LAMC2: variants seen among roughly 807,000 people sequenced by gnomAD.
LAMC2 encodes the protein laminin subunit gamma 2, also known as laminin subunit gamma-2.
Under a neutral mutation model 140.2 loss-of-function variants are expected in LAMC2, and 97 were observed. That is an observed-to-expected ratio of 0.69 (90% confidence interval 0.59 to 0.82). LAMC2 has a LOEUF of 0.82. LAMC2 is among the 40% of genes least tolerant of loss of function. The pLI is 0.00. For missense variants in LAMC2, 1,402 were observed against 1,476.1 expected, an observed-to-expected ratio of 0.95 and a Z score of 0.82; for synonymous variants, 513 against 540.2, an observed-to-expected ratio of 0.95 and a Z score of 0.70.
Position 183,238,336 on chromosome 1 carries a change from T to G in LAMC2, c.2784T>G (p.Asn928Lys). Residue 928 changes from asparagine to lysine, a missense_variant, in exon 19 of 23, where the codon AAT (asparagine) becomes AAG (lysine). Physicochemically the swap from Asn to Lys is moderately conservative, Grantham distance 94 (BLOSUM62 0). Coordinates refer to ENST00000264144, the MANE Select transcript of LAMC2 (RefSeq NM_005562.3). ...EKSDQLLSRA[N>K]LAKSRAQEAL... ...CAGATCAGCTGCTTTCCCGTGCCAA[T>G]CTTGCTAAAAGCAGAGCACAAGAAG... The G allele has an allele frequency of 6.2e-7, 1 of 1,614,090 alleles. No homozygotes were observed. The highest frequency in any genetic ancestry group is 8.5e-7 in the Non-Finnish European group (1 of 1,179,946).
At chr1:183,247,184 C>T (rs1199380325), downstream of LAMC2, among the ~76,000 whole-genome samples, 17 of 152,048 alleles carry the variant, frequency 1.1e-4, no homozygotes, top group South Asian at 6.2e-4. Flanking sequence ...TGGTGGCAGG[C>T]GCCTGTAATC....
intron 1 of LAMC2, among the ~76,000 whole-genome samples, chr1:183,188,299 G>C (rs1658218646): frequency 6.6e-6 from 1 of 152,200 alleles, no homozygotes; most frequent in Non-Finnish European, 1.5e-5. Context: ...GCTGGGATGT[G>C]CTAGAAGTTG....
chr1:183,213,748 C>CAAAAAAAAAAAAAAA (rs529019896), intron 2 of LAMC2, among the ~76,000 whole-genome samples: 1 of 68,188 alleles, frequency 1.5e-5, no homozygotes, highest in African/African-American at 5.9e-5. Flanking sequence ...TGCAGTGAGC[C>CAAAAAAAAAAAAAAA]AAAAAAAAAA....
the LAMC2 span, among the ~76,000 whole-genome samples, chr1:183,256,597 C>T: frequency 6.6e-6 from 1 of 152,196 alleles, no homozygotes. Context: ...TGATGTATCA[C>T]ACTGACTGAT....
chr1:183,241,221 C>T, intron 22 of LAMC2: 3 of 851,292 alleles, frequency 3.5e-6, no homozygotes, highest in Non-Finnish European at 4.2e-6. Flanking sequence ...GCTCTCCAGC[C>T]TGGGGAACAG....
intron 1 of LAMC2, among the ~76,000 whole-genome samples, chr1:183,198,468 G>T (rs1234386045): frequency 6.6e-6 from 1 of 152,102 alleles, no homozygotes; most frequent in Non-Finnish European, 1.5e-5. Context: ...ATGGTTCATA[G>T]TTCGACTAAT....
chr1:183,194,441 C>T (rs1008151240), intron 1 of LAMC2, among the ~76,000 whole-genome samples: 1 of 152,014 alleles, frequency 6.6e-6, no homozygotes, highest in African/African-American at 2.4e-5. Flanking sequence ...AGCAAAAAAT[C>T]TTTGCCTAAT....
Position 183,225,788 on chromosome 1 carries a change from G to C in LAMC2, c.1066+68G>C, listed in dbSNP as rs1353928551. 3.8e-6 allele frequency: 4 copies of C among 1,041,136 alleles called. No homozygotes were observed. The Admixed American group carries it at 6.9e-5, about 18-fold the overall frequency. 64.5% of individuals were successfully genotyped at this position (1,041,136 alleles called of 1,614,324 possible). ...AGTTTAATTTGATTCAGCTCTCTAA[G>C]GTGGCGGCAGTCTCCAAACAAGTAG... On this transcript the variant is annotated intron_variant, in intron 8 of 22. Coordinates refer to ENST00000264144, the MANE Select transcript of LAMC2 (RefSeq NM_005562.3).
the LAMC2 span, among the ~76,000 whole-genome samples, chr1:183,257,088 G>A: frequency 5.4e-4 from 82 of 152,174 alleles, no homozygotes; most frequent in African/African-American, 1.9e-3. Context: ...TATCAAAGGC[G>A]ATGCTGGCCT....
At chr1:183,199,131 G>T in intron 1 of LAMC2, among the ~76,000 whole-genome samples, 1 of 121,944 alleles carries the variant, frequency 8.2e-6, no homozygotes, top group African/African-American at 3.2e-5. Flanking sequence ...TTGAGACAGA[G>T]TCTCGTACTG....
chr1:183,235,854 G>A, intron 16 of LAMC2, 124 bp downstream of exon 16: 1 of 949,058 alleles, frequency 1.1e-6, no homozygotes, highest in Admixed American at 2.3e-5. Flanking sequence ...TAATAAGAGG[G>A]CCGAAATCAT....
In LAMC2 at chr1:183,204,503, A is replaced by C. The variant is rs1463462917; in HGVS notation, c.80-3378A>C. 2.0e-5 allele frequency among the ~76,000 whole-genome samples: 3 copies of C among 149,822 alleles called. No homozygotes were observed. In the East Asian group the frequency reaches 6.1e-4, roughly 30 times the overall value. On this transcript the variant is annotated intron_variant, in intron 1 of 22. Coordinates refer to ENST00000264144, the MANE Select transcript of LAMC2 (RefSeq NM_005562.3). ...AAAAATTAGTTGGGCATGGTGGCAC[A>C]CGCCTCTATTCCCAGCTACTTGGGA...
chr1:183,210,961 G>A (rs1659049830), intron 2 of LAMC2, among the ~76,000 whole-genome samples: 1 of 152,182 alleles, frequency 6.6e-6, no homozygotes, highest in Non-Finnish European at 1.5e-5. Flanking sequence ...ATTAGCCAGA[G>A]GATATTTTTC....
In LAMC2 at chr1:183,236,478, C is replaced by T. The variant is rs548502176; in HGVS notation, c.2475C>T (p.Ser825=). 429 of 1,613,962 alleles carry T rather than the reference C, an allele frequency of 2.7e-4. 4 individuals carry two copies. The South Asian group carries it at 4.4e-3, about 17-fold the overall frequency. ...GLVEKLEKTK[S]LAQQLTREAT... Reference sequence around the variant, plus strand: ...ACACCAGATTGGAGAAAACCAAGTCCCTGGCCCAGCAGTTGACAAGGGAGG... The same window carrying T: ...ACACCAGATTGGAGAAAACCAAGTCTCTGGCCCAGCAGTTGACAAGGGAGG... The change falls in exon 17 of 23, where the codon TCC becomes TCT. Residue 825 remains serine, a synonymous_variant. Coordinates refer to ENST00000264144, the MANE Select transcript of LAMC2 (RefSeq NM_005562.3).
intron 3 of LAMC2, among the ~76,000 whole-genome samples, chr1:183,217,353 A>G (rs1353470609): frequency 3.9e-5 from 3 of 76,408 alleles, no homozygotes; most frequent in African/African-American, 2.4e-4. Context: ...AAATCTTGCC[A>G]CAAACAAACA....
chr1:183,237,019 C>A (rs553669314), intron 17 of LAMC2, among the ~76,000 whole-genome samples: 1 of 151,960 alleles, frequency 6.6e-6, no homozygotes, highest in African/African-American at 2.4e-5. Context: ...CAAACTTATT[C>A]GATTAAGAAG....
the LAMC2 span, among the ~76,000 whole-genome samples, chr1:183,252,928 G>C: frequency 6.6e-6 from 1 of 152,120 alleles, no homozygotes; most frequent in African/African-American, 2.4e-5. Flanking sequence ...ATCATTCATC[G>C]TGGTTCTGCC....
At chr1:183,214,651 A>G (rs1659195364) in intron 2 of LAMC2, among the ~76,000 whole-genome samples, 1 of 152,098 alleles carries the variant, frequency 6.6e-6, no homozygotes, top group South Asian at 2.1e-4. Context: ...TTTAAAGAAT[A>G]TCCTGGCTTC....
intron 11 of LAMC2, among the ~76,000 whole-genome samples, chr1:183,230,492 C>A (rs994632159): frequency 6.6e-6 from 1 of 152,192 alleles, no homozygotes; most frequent in Non-Finnish European, 1.5e-5. Context: ...GTATTTCCTA[C>A]ACCAAAGGCC....
Sources: gnomAD v4.1 joint callset for allele counts (sites outside exome capture counted in the v4.1 genomes callset) on GRCh38, gnomAD v4.1.1 for gene constraint, MANE v1.5 for transcripts, NCBI Gene and HGNC (gene_info 2026-07-23, HGNC 2026-07-21) for gene names.